The following PCDHA10 variants were observed in gnomAD, a reference collection of about 807,000 sequenced individuals.
The protein encoded by PCDHA10 is protocadherin alpha 10.
A neutral mutation model predicts 61.2 loss-of-function variants in PCDHA10; 45 were observed. The ratio of observed to expected loss-of-function variants is 0.74; its 90% CI spans 0.58 to 0.94. The LOEUF is 0.94. PCDHA10 is among the 40% of genes least tolerant of loss of function. PCDHA10 has a pLI of 0.00. For synonymous variants in PCDHA10, 602 were observed against 548.8 expected (o/e 1.10, Z -1.35); for missense variants, 1,278 against 1,236.2 (o/e 1.03, Z -0.51).
At chr5:140,929,679 G>A (rs142104946) in intron 1 of PCDHA10, 4 of 303,052 alleles carry the variant, frequency 1.3e-5, no homozygotes, top group African/African-American at 2.2e-5. Context: ...TGAAAAATAT[G>A]TAAGAGTCTG....
intron 3 of PCDHA10, among the ~76,000 whole-genome samples, chr5:140,996,055 C>A (rs1289526573): frequency 6.6e-6 from 1 of 152,164 alleles, no homozygotes; most frequent in Non-Finnish European, 1.5e-5. Flanking sequence ...GTGCTTGGCA[C>A]ACAGTAAAGA....
chr5:140,928,297 G>A, intron 1 of PCDHA10: 1 of 1,614,112 alleles, frequency 6.2e-7, no homozygotes, highest in Non-Finnish European at 8.5e-7. Flanking sequence ...CCGAGTGTTT[G>A]CCCAGGACCC....
intron 1 of PCDHA10, among the ~76,000 whole-genome samples, chr5:140,964,646 G>A (rs1554227128): frequency 6.6e-6 from 1 of 152,004 alleles, no homozygotes; most frequent in African/African-American, 2.4e-5. Context: ...TCAGAAACAA[G>A]TAATGGGTGA....
At chr5:140,863,088 CACG>C (rs782667679) in intron 1 of PCDHA10, 19 of 574,542 alleles carry the variant, frequency 3.3e-5, no homozygotes, top group Admixed American at 1.7e-4. Context: ...GCGAGATCAG[CACG>C]ACGAGTACCC....
At chr5:140,906,092 A>G (rs985090106) in intron 1 of PCDHA10, among the ~76,000 whole-genome samples, 2 of 152,140 alleles carry the variant, frequency 1.3e-5, no homozygotes, top group Non-Finnish European at 2.9e-5. Context: ...GACTGAGAGT[A>G]AGTGTGTCTT....
intron 1 of PCDHA10, chr5:140,883,301 G>C (rs1380648584): frequency 1.2e-6 from 2 of 1,613,968 alleles, no homozygotes; most frequent in African/African-American, 1.3e-5. Flanking sequence ...AGATGTAAAT[G>C]ATAACGCCCC....
chr5:140,954,290 G>T (rs2095014659), intron 1 of PCDHA10, among the ~76,000 whole-genome samples: 1 of 152,126 alleles, frequency 6.6e-6, no homozygotes, highest in Non-Finnish European at 1.5e-5. Flanking sequence ...ATTCCTTTGG[G>T]TACATACCCA....
chr5:140,963,177 T>A (rs1002604435), intron 1 of PCDHA10, among the ~76,000 whole-genome samples: 1 of 152,194 alleles, frequency 6.6e-6, no homozygotes, highest in East Asian at 1.9e-4. Flanking sequence ...CTTACAGATA[T>A]GCTGTAGACT....
chr5:140,857,029 A>C lies in PCDHA10; in HGVS notation c.981A>C (p.Pro327=). The part of the protein sequence containing the change: ...IHVDVTDKGN[P]PMVGHCTVLV... ...TAGATGTTACAGATAAGGGAAACCC[A>C]CCTATGGTTGGTCACTGCACGGTCC... is the stretch of plus-strand genomic sequence containing the variant. Residue 327 remains proline (P), a synonymous_variant, in exon 1 of 4, where the codon CCA becomes CCC. Coordinates refer to ENST00000307360, the MANE Select transcript of PCDHA10 (RefSeq NM_018901.4). 1 of 1,596,504 alleles carries C rather than the reference A, an allele frequency of 6.3e-7. No homozygotes were observed. The highest frequency in any genetic ancestry group is 1.1e-5 in the South Asian group (1 of 90,510).
chr5:140,929,164 G>A (rs1554206780), intron 1 of PCDHA10: 10 of 1,614,150 alleles, frequency 6.2e-6, no homozygotes, highest in East Asian at 2.2e-5. Context: ...TCTCTATCGG[G>A]CCTCTCTGGG....
At chr5:140,874,935 G>T (rs2055180248) in intron 1 of PCDHA10, among the ~76,000 whole-genome samples, 1 of 152,168 alleles carries the variant, frequency 6.6e-6, no homozygotes, top group South Asian at 2.1e-4. Context: ...AAAAGTTATT[G>T]AAACAGCGGA....
At chr5:140,868,882 T>G in intron 1 of PCDHA10, 1 of 715,192 alleles carries the variant, frequency 1.4e-6, no homozygotes, top group Non-Finnish European at 2.2e-6. Context: ...GTACTCACAG[T>G]TTTAGGCGCA....
intron 2 of PCDHA10, among the ~76,000 whole-genome samples, chr5:140,979,586 C>T (rs1554240859): frequency 6.6e-6 from 1 of 152,188 alleles, no homozygotes; most frequent in Admixed American, 6.5e-5. Context: ...CCAAATCTAG[C>T]TTACTTTAAA....
intron 1 of PCDHA10, among the ~76,000 whole-genome samples, chr5:140,937,540 C>T (rs2091570481): frequency 2.0e-5 from 3 of 152,116 alleles, no homozygotes; most frequent in East Asian, 3.9e-4. Flanking sequence ...TTGCTTGAAC[C>T]TGCGAGGCAG....
intron 1 of PCDHA10, chr5:140,930,126 C>T (rs1286889846): frequency 6.6e-6 from 1 of 152,108 alleles, no homozygotes; most frequent in Non-Finnish European, 1.5e-5. Flanking sequence ...GGATATAGGA[C>T]TTGACAACCT....
At chr5:140,867,316 T>C (rs1234644689) in intron 1 of PCDHA10, 5 of 152,146 alleles carry the variant, frequency 3.3e-5, no homozygotes, top group African/African-American at 1.2e-4. Context: ...TGTCATCTGG[T>C]CTAATGTTAT....
chr5:140,863,124 C>T (rs1554157805), intron 1 of PCDHA10: 1 of 594,982 alleles, frequency 1.7e-6, no homozygotes, highest in Non-Finnish European at 3.3e-6. Flanking sequence ...AAGCTACGCG[C>T]CACCGCCTGC....
chr5:140,992,017 C>CTGTGTGTG (rs10602499), intron 3 of PCDHA10, among the ~76,000 whole-genome samples: 149 of 145,626 alleles, frequency 1.0e-3, no homozygotes, highest in African/African-American at 2.4e-3. Flanking sequence ...AGAGGTGGCT[C>CTGTGTGTG]TGTGTGTGTG....
chr5:140,975,601 GA>G (rs781785883), intron 1 of PCDHA10, among the ~76,000 whole-genome samples: 1 of 152,192 alleles, frequency 6.6e-6, no homozygotes, highest in Non-Finnish European at 1.5e-5. Flanking sequence ...GCAATTTGTT[GA>G]TGTCTTCCAC....
Sources: gnomAD v4.1 joint callset for allele counts (sites outside exome capture counted in the v4.1 genomes callset) on GRCh38, gnomAD v4.1.1 for gene constraint, MANE v1.5 for transcripts, NCBI Gene and HGNC (gene_info 2026-07-23, HGNC 2026-07-21) for gene names.